PLPP6: variants seen among roughly 807,000 people sequenced by gnomAD.
PLPP6 encodes the protein phospholipid phosphatase 6.
PLPP6 carries 16 observed loss-of-function variants against 16.5 expected under a neutral mutation model. The observed-to-expected ratio is 0.97, with a 90% CI of 0.66 to 1.47. The LOEUF is 1.47. Among genes scored for constraint, PLPP6 ranks in the 40% most tolerant of loss-of-function variants. The probability of loss-of-function intolerance (pLI) is 0.00; values close to 1 mark genes in which losing one functional copy is unlikely to be tolerated. For synonymous variants in PLPP6, 226 were observed against 188.1 expected (o/e 1.20, Z -1.65); for missense variants, 512 against 396.6 (o/e 1.29, Z -2.47).
Position 4,664,000 on chromosome 9 carries a change from AG to A in PLPP6, c.*738del, listed in dbSNP as rs1840464942. ...ACTGTCTTTTAGCATTCAGAGAAAA[AG>A]CCAACTTGCTTAAAGAGGAATCACT... On this transcript the variant is annotated 3_prime_UTR_variant, in exon 1 of 1. Transcript: ENST00000381883. 1.2e-5 allele frequency: 2 copies of A among 167,114 alleles called. No individual in the cohort carries two copies. The highest frequency in any genetic ancestry group is 6.5e-5 in the Admixed American group (1 of 15,288). The allele number at this position is 167,114 out of a possible 1,614,324, so 10.4% of individuals were successfully genotyped here.
Position 4,662,758 on chromosome 9 carries a change from G to A in PLPP6, c.383G>A (p.Gly128Asp), listed in dbSNP as rs778205533. The change falls in exon 1 of 1, where the codon GGC (glycine) becomes GAC (aspartate). Residue 128 changes from glycine (G) to aspartate (D), a missense_variant. Physicochemically the swap from Gly to Asp is moderately conservative, Grantham distance 94. Transcript: ENST00000381883. The surrounding 1 kb of genome is among the most constrained non-coding windows in gnomAD (Gnocchi z 4.9). ...TGCGCGGGAGAGAGCTCGTCGTGGG[G>A]CAGCGTGCGACCCCTTATGAAGCTG... ...GVCAGESSSWGSVRPLMKLLE... is the reference protein window; with the variant it reads ...GVCAGESSSWDSVRPLMKLLE... 1 of 1,604,338 alleles carries A rather than the reference G, an allele frequency of 6.2e-7. No homozygotes were observed. The highest frequency in any genetic ancestry group is 8.5e-7 in the Non-Finnish European group (1 of 1,179,948).
Position 4,662,930 on chromosome 9 carries a change from G to C in PLPP6, c.555G>C (p.Gly185=), listed in dbSNP as rs773664207. ...LDLLLVALIK[G]LVRRRRPAHN... is the part of the protein sequence containing the mutation. ...TGCTGCTGGTGGCCTTGATCAAAGG[G>C]CTGGTCCGCAGGCGCCGCCCGGCCC... The change falls in exon 1 of 1, where the codon GGG becomes GGC. Residue 185 remains glycine, a synonymous_variant. Transcript: ENST00000381883. The surrounding 1 kb of genome is among the most constrained non-coding windows in gnomAD (Gnocchi z 4.9). 1 of 1,610,946 alleles carries C rather than the reference G, an allele frequency of 6.2e-7. No homozygotes were observed. The highest frequency in any genetic ancestry group is 8.5e-7 in the Non-Finnish European group (1 of 1,179,960).
Position 4,663,190 on chromosome 9 carries a change from A to G in PLPP6, c.815A>G (p.Tyr272Cys). ...AFGFFLGYMQ[Y>C]SIVDYCWLSP... is the part of the protein sequence containing the mutation. ...GGCTTTTTTCTGGGCTACATGCAGT[A>G]CAGCATCGTGGACTATTGCTGGCTC... Residue 272 changes from tyrosine (Y) to cysteine (C), a missense_variant, in exon 1 of 1, where the codon TAC (tyrosine) becomes TGC (cysteine). Coordinates refer to ENST00000381883, the MANE Select transcript of PLPP6 (RefSeq NM_203453.5). The G allele has an allele frequency of 1.9e-6, 3 of 1,614,096 alleles. No individual in the cohort carries two copies. The highest frequency in any genetic ancestry group is 2.5e-6 in the Non-Finnish European group (3 of 1,180,012).
rs1840505669 is a variant in PLPP6, at chr9:4,664,222, G to A, written c.*959G>A. 6.0e-6 allele frequency: 1 copy of A among 167,052 alleles called. No individual in the cohort carries two copies. Among genetic ancestry groups the A allele is most frequent in the Admixed American group, 6.5e-5 (1 of 15,286 alleles). 10.3% of individuals were successfully genotyped at this position (167,052 alleles called of 1,614,324 possible). ...AGTGACCAGTATGACAGGAGATGGG[G>A]CCCTGCTGCCAGTCATCTCCACTGA... On this transcript the variant is annotated 3_prime_UTR_variant, in exon 1 of 1. Coordinates refer to ENST00000381883, the MANE Select transcript of PLPP6 (RefSeq NM_203453.5).
In PLPP6 at chr9:4,663,427, A is replaced by C. The variant is rs895603331; in HGVS notation, c.*164A>C. 2.7e-6 allele frequency: 2 copies of C among 733,140 alleles called. No homozygotes were observed. The highest frequency in any genetic ancestry group is 4.6e-6 in the Non-Finnish European group (2 of 435,976). The allele number at this position is 733,140 out of a possible 1,614,324, so 45.4% of individuals were successfully genotyped here. ...GATGTGCTGCTAGGCTGGAGCACACACTGGCCATTACTGAACACAGCCATA... is the reference window on the plus strand; with the variant it reads ...GATGTGCTGCTAGGCTGGAGCACACCCTGGCCATTACTGAACACAGCCATA... On this transcript the variant is annotated 3_prime_UTR_variant, in exon 1 of 1. Transcript: ENST00000381883.
At position 4,662,545 on chromosome 9, in the gene PLPP6, G is replaced by C; in HGVS notation, c.170G>C (p.Arg57Pro). ...ACGGCCGTGGACCCCACCTGCGCCC[G>C]GCTCCGTGCATCGGAGAGCCCAGTT... ...RATAVDPTCA[R>P]LRASESPVHR... Residue 57 changes from arginine to proline, a missense_variant, in exon 1 of 1, where the codon CGG becomes CCG. By Grantham distance (103) the Arg-to-Pro change is moderately radical (BLOSUM62 -2). Coordinates refer to ENST00000381883, the MANE Select transcript of PLPP6 (RefSeq NM_203453.5). This position sits in a 1 kb window ranked among gnomAD's most constrained non-coding sequence, Gnocchi z 4.9. 1 of 1,571,532 alleles carries C rather than the reference G, an allele frequency of 6.4e-7. No individual in the cohort carries two copies. The highest frequency in any genetic ancestry group is 8.6e-7 in the Non-Finnish European group (1 of 1,168,128).
Position 4,663,824 on chromosome 9 carries a change from T to C in PLPP6, c.*561T>C, listed in dbSNP as rs1840426878. 6.0e-6 allele frequency: 1 copy of C among 167,008 alleles called. No individual in the cohort carries two copies. Among genetic ancestry groups the C allele is most frequent in the Non-Finnish European group, 1.5e-5 (1 of 68,168 alleles). 10.3% of individuals were successfully genotyped at this position (167,008 alleles called of 1,614,324 possible). The stretch of plus-strand genomic sequence containing the variant: ...GATTTCTTCTTAATCCTGATTTTCT[T>C]GGTAAGCTTTTTTACTTTATTATCT... On this transcript the variant is annotated 3_prime_UTR_variant, in exon 1 of 1. Transcript: ENST00000381883.
Position 4,663,448 on chromosome 9 carries a change from C to G in PLPP6, c.*185C>G, listed in dbSNP as rs1840348465. ...ACACACTGGCCATTACTGAACACAG[C>G]CATATTAGGGAAAGCAAAAAAACCC... is the stretch of plus-strand genomic sequence containing the variant. On this transcript the variant is annotated 3_prime_UTR_variant, in exon 1 of 1. Coordinates refer to ENST00000381883, the MANE Select transcript of PLPP6 (RefSeq NM_203453.5). 1 of 643,946 alleles carries G rather than the reference C, an allele frequency of 1.6e-6. No individual in the cohort carries two copies. The highest frequency in any genetic ancestry group is 3.0e-5 in the Admixed American group (1 of 32,908). 39.9% of individuals were successfully genotyped at this position (643,946 alleles called of 1,614,324 possible).
In PLPP6 at chr9:4,662,647, G is replaced by T; in HGVS notation, c.272G>T (p.Arg91Leu). The T allele has an allele frequency of 1.3e-6, 2 of 1,599,364 alleles. No individual in the cohort carries two copies. The highest frequency in any genetic ancestry group is 8.5e-7 in the Non-Finnish European group (1 of 1,179,720). ...GCGCCTCCGCTGCCCGAGGAGGACC[G>T]CATGGACTTGAACCCGTCCTTCCTG... ...SPAPPLPEED[R>L]MDLNPSFLGI... The change falls in exon 1 of 1, where the codon CGC (arginine) becomes CTC (leucine). Residue 91 changes from arginine (R) to leucine (L), a missense_variant. Coordinates refer to ENST00000381883, the MANE Select transcript of PLPP6 (RefSeq NM_203453.5). The surrounding 1 kb of genome is among the most constrained non-coding windows in gnomAD (Gnocchi z 4.9).
At position 4,662,590 on chromosome 9, in the gene PLPP6, C is replaced by T. The variant is rs1333416494; in HGVS notation, c.215C>T (p.Pro72Leu). The T allele has an allele frequency of 6.3e-7, 1 of 1,592,906 alleles. No homozygotes were observed. The highest frequency in any genetic ancestry group is 8.5e-7 in the Non-Finnish European group (1 of 1,177,024). ...ESPVHRRGSFPLAAAGPSQSP... is the reference protein window; with the variant it reads ...ESPVHRRGSFLLAAAGPSQSP... ...CCAGTTCACCGCCGCGGCTCCTTCCCCCTGGCCGCGGCGGGCCCCTCGCAG... is the reference window on the plus strand; with the variant it reads ...CCAGTTCACCGCCGCGGCTCCTTCCTCCTGGCCGCGGCGGGCCCCTCGCAG... The change falls in exon 1 of 1, where the codon CCC (proline) becomes CTC (leucine). Residue 72 changes from proline (P) to leucine (L), a missense_variant. By Grantham distance (98) the Pro-to-Leu change is moderately conservative (BLOSUM62 -3). Coordinates refer to ENST00000381883, the MANE Select transcript of PLPP6 (RefSeq NM_203453.5). This position sits in a 1 kb window ranked among gnomAD's most constrained non-coding sequence, Gnocchi z 4.9.
chr9:4,663,517 T>C lies in PLPP6; in HGVS notation c.*254T>C. On this transcript the variant is annotated 3_prime_UTR_variant, in exon 1 of 1. Coordinates refer to ENST00000381883, the MANE Select transcript of PLPP6 (RefSeq NM_203453.5). ...TATTTATTCAACAACTGTTTATGTT[T>C]CCAGGACAACTGCAAAGAAAACAAG... The C allele has an allele frequency of 2.3e-6, 1 of 433,508 alleles. No individual in the cohort carries two copies. Among genetic ancestry groups the C allele is most frequent in the Non-Finnish European group, 4.3e-6 (1 of 234,212 alleles). 26.9% of individuals were successfully genotyped at this position (433,508 alleles called of 1,614,324 possible).
rs41279555 is a variant in PLPP6, at chr9:4,663,679, C to T, written c.*416C>T. On this transcript the variant is annotated 3_prime_UTR_variant, in exon 1 of 1. Transcript: ENST00000381883. ...GATGTTCATTCTGTAAATATACATG[C>T]AGACAGGTCATGTACTAATCCTAGT... The T allele has an allele frequency of 9.4e-3, 1,793 of 191,104 alleles. 10 individuals are homozygous for T. Among genetic ancestry groups the T allele is most frequent in the Non-Finnish European group, 0.014 (1,140 of 82,136 alleles). The allele number at this position is 191,104 out of a possible 1,614,324, so 11.8% of individuals were successfully genotyped here.
rs1307861337 is a variant in PLPP6 at position 4,662,832 on chromosome 9, T to G, written c.457T>G (p.Cys153Gly). The G allele has an allele frequency of 6.2e-7, 1 of 1,605,252 alleles. No individual in the cohort carries two copies. Among genetic ancestry groups the G allele is most frequent in the Non-Finnish European group, 8.5e-7 (1 of 1,179,948 alleles). Residue 153 changes from cysteine (C) to glycine (G), a missense_variant, in exon 1 of 1, where the codon TGC becomes GGC. Physicochemically the swap from Cys to Gly is radical, Grantham distance 159 (BLOSUM62 -3). Transcript: ENST00000381883. This position sits in a 1 kb window ranked among gnomAD's most constrained non-coding sequence, Gnocchi z 4.9. ...GIPWLLGTLYCLCRSDSWAGR... is the reference protein window; with the variant it reads ...GIPWLLGTLYGLCRSDSWAGR... ...CCCCTGGCTGCTGGGCACCCTCTAC[T>G]GCCTGTGCAGGAGCGACAGCTGGGC...
In PLPP6 at chr9:4,663,323, A is replaced by C. The variant is rs540274905; in HGVS notation, c.*60A>C. 9 of 1,530,984 alleles carry C rather than the reference A, an allele frequency of 5.9e-6. No individual in the cohort carries two copies. Among genetic ancestry groups the C allele is most frequent in the African/African-American group, 5.5e-5 (4 of 73,026 alleles). 94.8% of individuals were successfully genotyped at this position (1,530,984 alleles called of 1,614,324 possible). Reference sequence around the variant, plus strand: ...AAGGTTTCCACATTCGATGATGTCAACCTAAACCAGCAGCCATCCCGCTTG... The same window carrying C: ...AAGGTTTCCACATTCGATGATGTCACCCTAAACCAGCAGCCATCCCGCTTG... On this transcript the variant is annotated 3_prime_UTR_variant, in exon 1 of 1. Transcript: ENST00000381883.
rs529337228 is a variant in PLPP6 at position 4,664,160 on chromosome 9, C to A, written c.*897C>A. The A allele has an allele frequency of 3.0e-5, 5 of 167,176 alleles. No individual in the cohort carries two copies. In the South Asian group the frequency reaches 1.0e-3, roughly 35 times the overall value. The allele number at this position is 167,176 out of a possible 1,614,324, so 10.4% of individuals were successfully genotyped here. ...AAGTTGCTGGGGAAAGTTAGAGGAA[C>A]TGAAAGTTTGGGAATAGGCTGACCA... On this transcript the variant is annotated 3_prime_UTR_variant, in exon 1 of 1. Coordinates refer to ENST00000381883, the MANE Select transcript of PLPP6 (RefSeq NM_203453.5).
Position 4,662,618 on chromosome 9 carries a change from G to C in PLPP6, c.243G>C (p.Ser81=), listed in dbSNP as rs1840108045. The stretch of plus-strand genomic sequence containing the variant: ...TGGCCGCGGCGGGCCCCTCGCAGTC[G>C]CCCGCGCCTCCGCTGCCCGAGGAGG... ...FPLAAAGPSQ[S]PAPPLPEEDR... The change falls in exon 1 of 1, where the codon TCG becomes TCC. Residue 81 remains serine (S), a synonymous_variant. Transcript: ENST00000381883. This position sits in a 1 kb window ranked among gnomAD's most constrained non-coding sequence, Gnocchi z 4.9. 4 of 1,595,750 alleles carry C rather than the reference G, an allele frequency of 2.5e-6. No homozygotes were observed. The East Asian group carries it at 8.9e-5, about 36-fold the overall frequency.
In PLPP6 at chr9:4,662,633, G is replaced by A; in HGVS notation, c.258G>A (p.Leu86=). 2 of 1,598,100 alleles carry A rather than the reference G, an allele frequency of 1.3e-6. No homozygotes were observed. Among genetic ancestry groups the A allele is most frequent in the Non-Finnish European group, 8.5e-7 (1 of 1,179,312 alleles). Reference sequence around the variant, plus strand: ...CCTCGCAGTCGCCCGCGCCTCCGCTGCCCGAGGAGGACCGCATGGACTTGA... The same window carrying A: ...CCTCGCAGTCGCCCGCGCCTCCGCTACCCGAGGAGGACCGCATGGACTTGA... ...AGPSQSPAPP[L]PEEDRMDLNP... The change falls in exon 1 of 1, where the codon CTG becomes CTA. Residue 86 remains leucine (L), a synonymous_variant. Coordinates refer to ENST00000381883, the MANE Select transcript of PLPP6 (RefSeq NM_203453.5). The surrounding 1 kb of genome is among the most constrained non-coding windows in gnomAD (Gnocchi z 4.9).
Position 4,663,060 on chromosome 9 carries a change from C to A in PLPP6, c.685C>A (p.Leu229Met), listed in dbSNP as rs1371076594. Residue 229 changes from leucine (L) to methionine (M), a missense_variant, in exon 1 of 1, where the codon CTG becomes ATG. Leu to Met is a conservative substitution (Grantham distance 15). Transcript: ENST00000381883. ...GATGTCGAGGTTCATCCTGAACCAC[C>A]TGGTGCTGGCCATTCCACTGAGGGT... ...ALMSRFILNHLVLAIPLRVLV... is the reference protein window; with the variant it reads ...ALMSRFILNHMVLAIPLRVLV... 6.2e-7 allele frequency: 1 copy of A among 1,614,010 alleles called. No homozygotes were observed. The highest frequency in any genetic ancestry group is 8.5e-7 in the Non-Finnish European group (1 of 1,179,956).
rs1398923278 is a variant in PLPP6 at position 4,664,553 on chromosome 9, G to T, written c.*1290G>T. The T allele has an allele frequency of 6.0e-6, 1 of 167,014 alleles. No homozygotes were observed. The highest frequency in any genetic ancestry group is 1.5e-5 in the Non-Finnish European group (1 of 68,114). 10.3% of individuals were successfully genotyped at this position (167,014 alleles called of 1,614,324 possible). On this transcript the variant is annotated 3_prime_UTR_variant, in exon 1 of 1. Transcript: ENST00000381883. ...ACCAAAGACCACCAAACGCAGGGTG[G>T]ACTCTGCTCATTATTCTTTGACCCA... is the stretch of plus-strand genomic sequence containing the variant.
Sources: gnomAD v4.1 joint callset for allele counts on GRCh38, gnomAD v4.1.1 for gene constraint, Gnocchi (gnomAD v3.1) non-coding constraint, MANE v1.5 for transcripts, NCBI Gene and HGNC (gene_info 2026-07-23, HGNC 2026-07-21) for gene names.